The following SLC35F3 variants were observed in gnomAD, a reference collection of about 807,000 sequenced individuals.
SLC35F3 encodes the protein putative thiamine transporter SLC35F3.
In SLC35F3, 25 loss-of-function variants were observed where a neutral mutation model predicts 49.9. That is an observed-to-expected ratio of 0.50 (90% confidence interval 0.37 to 0.70). The LOEUF (loss-of-function observed/expected upper bound fraction) is 0.70. Ranked by LOEUF, SLC35F3 falls within the 30% of genes least tolerant of loss-of-function variation. The pLI is 0.00. For missense variants in SLC35F3, 525 were observed against 639.8 expected, an observed-to-expected ratio of 0.82 and a Z score of 1.94; for synonymous variants, 275 against 265.4, an observed-to-expected ratio of 1.04 and a Z score of -0.35.
intron 2 of SLC35F3, among the ~76,000 whole-genome samples, chr1:233,926,922 G>A (rs570369504): frequency 6.6e-6 from 1 of 152,258 alleles, no homozygotes; most frequent in South Asian, 2.1e-4. Context: ...GGAGTTTGCT[G>A]GGGGTTCACT....
At chr1:234,024,593 C>T (rs12734575) in intron 2 of SLC35F3, among the ~76,000 whole-genome samples, 19,977 of 152,150 alleles carry the variant, frequency 0.13, 1,621 homozygotes, top group Non-Finnish European at 0.18. Context: ...CAGGTCCCCA[C>T]GTGAAGGACA....
chr1:234,209,343 CTAACTCCAGTT>C (rs1667018130), intron 2 of SLC35F3, among the ~76,000 whole-genome samples: 1 of 151,684 alleles, frequency 6.6e-6, no homozygotes, highest in African/African-American at 2.4e-5. Flanking sequence ...TTATTATGGC[CTAACTCCAGTT>C]AGGCCATAAT....
chr1:234,309,028 A>AAAAT, intron 3 of SLC35F3, 73 bp from the exon 4 acceptor site: 1 of 1,290,716 alleles, frequency 7.7e-7, no homozygotes, highest in Non-Finnish European at 1.1e-6. Flanking sequence ...AAAAAAAAAA[A>AAAAT]CTTGCTATAG....
chr1:233,959,041 G>A (rs147218050), intron 2 of SLC35F3, among the ~76,000 whole-genome samples: 32 of 152,302 alleles, frequency 2.1e-4, no homozygotes, highest in African/African-American at 7.2e-4. Flanking sequence ...AAGAAGAAAG[G>A]TTAAGGGTCC....
chr1:234,170,787 C>G (rs1296407031), intron 2 of SLC35F3, among the ~76,000 whole-genome samples: 1 of 152,158 alleles, frequency 6.6e-6, no homozygotes, highest in Non-Finnish European at 1.5e-5. Flanking sequence ...CAAGGAAGAA[C>G]ATTTACAAGA....
intron 3 of SLC35F3, among the ~76,000 whole-genome samples, chr1:234,255,834 A>G (rs1667814042): frequency 1.3e-5 from 2 of 152,226 alleles, no homozygotes; most frequent in South Asian, 4.1e-4. Context: ...ATAATTCTGT[A>G]TGATACTGTA....
chr1:234,104,437 T>C (rs943146743), intron 2 of SLC35F3, among the ~76,000 whole-genome samples: 2 of 152,176 alleles, frequency 1.3e-5, no homozygotes, highest in African/African-American at 4.8e-5. Context: ...ACCTGCATGA[T>C]TAAAAGATGC....
chr1:234,079,040 G>A (rs1219587795), intron 2 of SLC35F3, among the ~76,000 whole-genome samples: 1 of 152,208 alleles, frequency 6.6e-6, no homozygotes, highest in Non-Finnish European at 1.5e-5. Flanking sequence ...AAAGAACAAA[G>A]TTGGAAGACT....
chr1:234,180,227 T>C (rs1434242571), intron 2 of SLC35F3, among the ~76,000 whole-genome samples: 2 of 152,214 alleles, frequency 1.3e-5, no homozygotes, highest in Non-Finnish European at 2.9e-5. Context: ...CAAAAGGATG[T>C]GGCTAATCAT....
At chr1:234,042,507 C>T (rs1664235480) in intron 2 of SLC35F3, among the ~76,000 whole-genome samples, 1 of 151,958 alleles carries the variant, frequency 6.6e-6, no homozygotes, top group Admixed American at 6.6e-5. Flanking sequence ...CAATATCTTC[C>T]CCAAGCGGAA....
chr1:234,317,422 T>G (rs1158070589), intron 5 of SLC35F3, among the ~76,000 whole-genome samples: 2 of 151,070 alleles, frequency 1.3e-5, no homozygotes, highest in Admixed American at 1.3e-4. Context: ...TCTCCTAAGA[T>G]CCATAGCAGA....
chr1:233,912,443 C>T (rs1195633241), intron 2 of SLC35F3, among the ~76,000 whole-genome samples: 1 of 152,138 alleles, frequency 6.6e-6, no homozygotes, highest in Non-Finnish European at 1.5e-5. Flanking sequence ...TGCCACTGCA[C>T]TCCATCCTGG....
At chr1:234,064,694 G>A (rs1360712956) in intron 2 of SLC35F3, among the ~76,000 whole-genome samples, 1 of 152,162 alleles carries the variant, frequency 6.6e-6, no homozygotes, top group Non-Finnish European at 1.5e-5. Context: ...GTTAAAACAT[G>A]ATAATTGTTT....
At chr1:234,170,320 A>G (rs569563489) in intron 2 of SLC35F3, among the ~76,000 whole-genome samples, 7 of 152,330 alleles carry the variant, frequency 4.6e-5, no homozygotes, top group Admixed American at 1.3e-4. Flanking sequence ...TCGTATGGAA[A>G]GGAGCTTGAG....
intron 2 of SLC35F3, among the ~76,000 whole-genome samples, chr1:233,975,965 A>G (rs1003538063): frequency 1.3e-5 from 2 of 152,344 alleles, no homozygotes; most frequent in African/African-American, 2.4e-5. Context: ...TAGAGATGGC[A>G]TATCAGGGCC....
intron 3 of SLC35F3, among the ~76,000 whole-genome samples, chr1:234,302,882 C>T (rs1668715785): frequency 6.6e-6 from 1 of 152,094 alleles, no homozygotes; most frequent in Non-Finnish European, 1.5e-5. Flanking sequence ...TTAATTTTAG[C>T]AATTCAATGC....
Position 234,067,432 on chromosome 1 carries a change from T to C in SLC35F3, c.283+161674T>C, listed in dbSNP as rs1664638438. On this transcript the variant is annotated intron_variant, in intron 2 of 7. Coordinates refer to ENST00000366618, the MANE Select transcript of SLC35F3 (RefSeq NM_173508.4). ...CCGTGGTCTCTGAGCAAGGGTGTGG[T>C]GGATCATTTGCAGCATGACCTCCGC... Among the ~76,000 whole-genome samples, 4 of 152,270 alleles carry C rather than the reference T, an allele frequency of 2.6e-5. 1 individual carries two copies. In the South Asian group the frequency reaches 8.3e-4, roughly 32 times the overall value.
intron 2 of SLC35F3, among the ~76,000 whole-genome samples, chr1:234,036,718 C>T (rs1664149866): frequency 1.3e-5 from 2 of 152,198 alleles, no homozygotes; most frequent in Admixed American, 6.5e-5. Flanking sequence ...GGTATAACTG[C>T]TCAGTAAACA....
intron 3 of SLC35F3, among the ~76,000 whole-genome samples, chr1:234,248,102 G>A (rs973356820): frequency 6.6e-6 from 1 of 152,128 alleles, no homozygotes; most frequent in Non-Finnish European, 1.5e-5. Context: ...TTGGGGGGCT[G>A]GTTGGCTGGT....
Sources: allele counts gnomAD v4.1 joint callset (sites outside exome capture counted in the v4.1 genomes callset), GRCh38; gene constraint gnomAD v4.1.1; transcripts MANE v1.5; gene names NCBI Gene and HGNC (gene_info 2026-07-23, HGNC 2026-07-21).